The following GPATCH8 variants were observed in gnomAD, a reference collection of about 807,000 sequenced individuals.
The protein encoded by GPATCH8 is G-patch domain containing 8, also known as G patch domain-containing protein 8.
A neutral mutation model predicts 118.3 loss-of-function variants in GPATCH8; 18 were observed. The ratio of observed to expected loss-of-function variants is 0.15; its 90% confidence interval spans 0.11 to 0.23. The LOEUF is 0.23. Ranked by LOEUF, GPATCH8 falls within the 10% of genes least tolerant of loss-of-function variation. The probability of loss-of-function intolerance (pLI) is 1.00; values close to 1 mark genes in which losing one functional copy is unlikely to be tolerated. For synonymous variants in GPATCH8, 659 were observed against 684.7 expected (o/e 0.96, Z 0.59); for missense variants, 1,631 against 1,873.8 (o/e 0.87, Z 2.39).
At chr17:44,496,447 T>C (rs776746621) in intron 1 of GPATCH8, among the ~76,000 whole-genome samples, 1 of 152,230 alleles carries the variant, frequency 6.6e-6, no homozygotes, top group Non-Finnish European at 1.5e-5. Context: ...TTAGAATTCC[T>C]CTTTGAAATC....
chr17:44,399,638 G>T lies in GPATCH8; in HGVS notation c.2439C>A (p.Pro813=). Reference sequence around the variant, plus strand: ...CATCACTATCCTCATCTCCACTACTGGGTTGGCTCCGATGGCTAGACCGGC... The same window carrying T: ...CATCACTATCCTCATCTCCACTACTTGGTTGGCTCCGATGGCTAGACCGGC... ...RSSRSSHRSQ[P]SSGDEDSDDA... The change falls in exon 8 of 8, where the codon CCC becomes CCA. Residue 813 remains proline (P), a synonymous_variant. Transcript: ENST00000591680. 1 of 1,614,174 alleles carries T rather than the reference G, an allele frequency of 6.2e-7. No homozygotes were observed. Among genetic ancestry groups the T allele is most frequent in the East Asian group, 2.2e-5 (1 of 44,880 alleles).
In GPATCH8 at chr17:44,400,105, T is replaced by G; in HGVS notation, c.1972A>C (p.Thr658Pro). The change falls in exon 8 of 8, where the codon ACA becomes CCA. Residue 658 changes from threonine (T) to proline (P), a missense_variant. Physicochemically the swap from Thr to Pro is conservative, Grantham distance 38. Around this residue, in one of 8 missense-constraint regions of GPATCH8, gnomAD observed 922 missense variants for 879.7 expected, o/e 1.05. Transcript: ENST00000591680. ...TTCTTGCTGGGAAGGCTTCTCCCTG[T>G]GTCTTCTGTCTCAGACCCATGGCTA... Reference protein sequence around the residue: ...GGSHGSETEDTGRSLPSKKER... With the variant: ...GGSHGSETEDPGRSLPSKKER... 5 of 1,614,056 alleles carry G rather than the reference T, an allele frequency of 3.1e-6. No individual in the cohort carries two copies. In the South Asian group the frequency reaches 5.5e-5, roughly 18 times the overall value.
chr17:44,494,490 G>A (rs751508526), intron 1 of GPATCH8, among the ~76,000 whole-genome samples: 7 of 152,142 alleles, frequency 4.6e-5, no homozygotes, highest in Non-Finnish European at 7.4e-5. Context: ...TACTTGGGAG[G>A]CTGAGGCAGG....
rs764409623 is a variant in GPATCH8 at position 44,406,002 on chromosome 17, C to T, written c.542G>A (p.Arg181Lys). 7 of 1,607,222 alleles carry T rather than the reference C, an allele frequency of 4.4e-6. No homozygotes were observed. The Admixed American group carries it at 1.2e-4, about 27-fold the overall frequency. Residue 181 changes from arginine to lysine, a missense_variant, in exon 7 of 8, where the codon AGA (arginine) becomes AAA (lysine). Around this residue, in one of 8 missense-constraint regions of GPATCH8, gnomAD observed 81 missense variants for 227.6 expected, o/e 0.36. Coordinates refer to ENST00000591680, the MANE Select transcript of GPATCH8 (RefSeq NM_001002909.4). ...CTGTTTTTTCTCATCCTTGCGGGAT[C>T]TTGAAGAGACATTTCGAGCAAACTC... ...QREFARNVSSRSRKDEKKQEK... is the reference protein window; with the variant it reads ...QREFARNVSSKSRKDEKKQEK...
chr17:44,486,488 T>A (rs1392297696), intron 1 of GPATCH8: 3 of 152,130 alleles, frequency 2.0e-5, no homozygotes, highest in African/African-American at 7.2e-5. Flanking sequence ...TAAAAAAAAT[T>A]TTTTTTAACA....
At chr17:44,492,830 C>T (rs1204505419) in intron 1 of GPATCH8, among the ~76,000 whole-genome samples, 3 of 152,032 alleles carry the variant, frequency 2.0e-5, no homozygotes, top group Admixed American at 2.0e-4. Context: ...ATTCTCCTCT[C>T]CAATCTATTA....
rs114405212 is a variant in GPATCH8 at position 44,432,303 on chromosome 17, T to C, written c.348+2762A>G. ...AACCCTCGTTTGATGTAGGATAGTA[T>C]ACGTAGATGAAGGCATTACTACCTG... is the stretch of plus-strand genomic sequence containing the variant. On this transcript the variant is annotated intron_variant, in intron 5 of 7. Transcript: ENST00000591680. Among the ~76,000 whole-genome samples the C allele has an allele frequency of 3.5e-3, 528 of 152,264 alleles. 1 individual carries two copies. The highest frequency in any genetic ancestry group is 0.012 in the African/African-American group (506 of 41,548).
chr17:44,448,561 A>AGAAGAG (rs1161430720), intron 3 of GPATCH8, among the ~76,000 whole-genome samples: 5 of 86,956 alleles, frequency 5.8e-5, no homozygotes, highest in African/African-American at 7.3e-5. Context: ...AAGAGGAAGA[A>AGAAGAG]GAAGAGGAAG....
At chr17:44,474,469 T>C in intron 2 of GPATCH8, 1 of 322,962 alleles carries the variant, frequency 3.1e-6, no homozygotes, top group South Asian at 2.8e-5. Flanking sequence ...ATTTCATACA[T>C]AATTATATTG....
At chr17:44,439,986 T>C (rs9635715) in intron 3 of GPATCH8, among the ~76,000 whole-genome samples, 48,754 of 151,900 alleles carry the variant, frequency 0.32, 9,807 homozygotes, top group Middle Eastern at 0.51. Flanking sequence ...TTTCTTCATG[T>C]TGGTCAGGCT....
At chr17:44,419,791 G>C (rs952117976) in intron 6 of GPATCH8, among the ~76,000 whole-genome samples, 6 of 152,086 alleles carry the variant, frequency 3.9e-5, no homozygotes, top group Non-Finnish European at 8.8e-5. Context: ...CTCCTCAGTA[G>C]CTGGGATTAT....
At chr17:44,467,523 T>C (rs1238827430) in intron 2 of GPATCH8, among the ~76,000 whole-genome samples, 1 of 152,186 alleles carries the variant, frequency 6.6e-6, no homozygotes, top group African/African-American at 2.4e-5. Flanking sequence ...TATAATAAAA[T>C]ATTTAACTTG....
intron 5 of GPATCH8, among the ~76,000 whole-genome samples, chr17:44,432,364 G>T (rs927316058): frequency 3.9e-5 from 6 of 151,996 alleles, no homozygotes; most frequent in Non-Finnish European, 8.8e-5. Context: ...AAAAACATAC[G>T]GGAAGGCAGA....
Position 44,400,013 on chromosome 17 carries a change from T to A in GPATCH8, c.2064A>T (p.Lys688Asn). The A allele has an allele frequency of 1.2e-6, 2 of 1,613,992 alleles. No homozygotes were observed. Among genetic ancestry groups the A allele is most frequent in the South Asian group, 2.2e-5 (2 of 91,080 alleles). The change falls in exon 8 of 8, where the codon AAA (lysine) becomes AAT (asparagine). Residue 688 changes from lysine to asparagine, a missense_variant. Physicochemically the swap from Lys to Asn is moderately conservative, Grantham distance 94. Transcript: ENST00000591680. ...CTTCTGTGTCAGCCTTGTGTTTACG[T>A]TTGTGTTTGCTGGATTTTTTGTGCT... is the stretch of plus-strand genomic sequence containing the variant. ...KKKHKKSSKH[K>N]RKHKADTEEK...
At chr17:44,453,678 C>A (rs1456878546) in intron 3 of GPATCH8, among the ~76,000 whole-genome samples, 1 of 152,050 alleles carries the variant, frequency 6.6e-6, no homozygotes, top group Non-Finnish European at 1.5e-5. Context: ...GTGCACATCA[C>A]CATGCCAGGC....
rs1270619267 is a variant in GPATCH8 at position 44,399,247 on chromosome 17, T to C, written c.2830A>G (p.Ser944Gly). 6.2e-7 allele frequency: 1 copy of C among 1,613,956 alleles called. No individual in the cohort carries two copies. Among genetic ancestry groups the C allele is most frequent in the African/African-American group, 1.3e-5 (1 of 74,886 alleles). The change falls in exon 8 of 8, where the codon AGC (serine) becomes GGC (glycine). Residue 944 changes from serine to glycine, a missense_variant. Around this residue, in one of 8 missense-constraint regions of GPATCH8, gnomAD observed 922 missense variants for 879.7 expected, o/e 1.05. Coordinates refer to ENST00000591680, the MANE Select transcript of GPATCH8 (RefSeq NM_001002909.4). Reference protein sequence around the residue: ...DYSLSCSQSRSRSRSHTRERS... With the variant: ...DYSLSCSQSRGRSRSHTRERS... ...TCTCTGGTATGACTCCGAGATCGGC[T>C]TCGGGACTGGCTGCAACTGAGGCTA... is the stretch of plus-strand genomic sequence containing the variant.
At chr17:44,428,202 G>C (rs1054215180) in intron 5 of GPATCH8, among the ~76,000 whole-genome samples, 2 of 151,316 alleles carry the variant, frequency 1.3e-5, no homozygotes, top group African/African-American at 4.8e-5. Flanking sequence ...CCTTCAAAAA[G>C]TACTCGTAGG....
At chr17:44,442,108 CAT>C (rs36110298) in intron 3 of GPATCH8, among the ~76,000 whole-genome samples, 67,555 of 135,954 alleles carry the variant, frequency 0.5, 18,060 homozygotes, top group Non-Finnish European at 0.6. Context: ...TATATATATA[CAT>C]ATATATATAT....
intron 3 of GPATCH8, among the ~76,000 whole-genome samples, chr17:44,461,894 G>A (rs958022578): frequency 6.6e-6 from 1 of 151,724 alleles, no homozygotes; most frequent in African/African-American, 2.4e-5. Flanking sequence ...GATAGAGATG[G>A]GGTCTATGTT....
Sources: gnomAD v4.1 joint callset for allele counts (sites outside exome capture counted in the v4.1 genomes callset) on GRCh38, gnomAD v4.1.1 for gene constraint, gnomAD v4.1.1 regional missense constraint, MANE v1.5 for transcripts, NCBI Gene and HGNC (gene_info 2026-07-23, HGNC 2026-07-21) for gene names.